GPD2: variants seen among roughly 807,000 people sequenced by gnomAD.
The protein encoded by GPD2 is glycerol-3-phosphate dehydrogenase 2, also known as glycerol-3-phosphate dehydrogenase, mitochondrial.
In GPD2, 54 loss-of-function variants were observed where a neutral mutation model predicts 82.4. That is an observed-to-expected ratio of 0.66 (90% CI 0.53 to 0.82). The LOEUF (loss-of-function observed/expected upper bound fraction) is 0.82. Among genes scored for constraint, GPD2 ranks in the 40% least tolerant of loss-of-function variants. The pLI is 0.00. For missense variants in GPD2, 748 were observed against 896.2 expected (o/e 0.83, Z 2.11); for synonymous variants, 288 against 306.1 (o/e 0.94, Z 0.62).
Position 156,568,957 on chromosome 2 carries a change from C to T in GPD2, c.1298C>T (p.Ala433Val), listed in dbSNP as rs1409779053. The change falls in exon 10 of 17, where the codon GCA (alanine) becomes GTA (valine). Residue 433 changes from alanine to valine, a missense_variant and splice_region_variant. By Grantham distance (64) the Ala-to-Val change is moderately conservative. Transcript: ENST00000438166. ...DISESGLITI[A>V]GGKWTTYRSM... ...AGTGAGAGTGGCCTTATTACTATAG[C>T]AGGTATGAGATACTACCTTGTTATT... 6.2e-7 allele frequency: 1 copy of T among 1,601,700 alleles called. No individual in the cohort carries two copies. Among genetic ancestry groups the T allele is most frequent in the Admixed American group, 1.7e-5 (1 of 59,742 alleles).
Position 156,496,850 on chromosome 2 carries a change from A to G in GPD2, c.274+635A>G, listed in dbSNP as rs771385652. On this transcript the variant is annotated intron_variant, in intron 3 of 16. Transcript: ENST00000438166. ...TTAAAATAATTATCTTTGTTCATGT[A>G]TCTCTTAAAATCATCTCTTCAGTGA... 4.7e-4 allele frequency among the ~76,000 whole-genome samples: 30 copies of G among 64,356 alleles called. No individual in the cohort carries two copies. In the Admixed American group the frequency reaches 7.1e-3, roughly 15 times the overall value. 42.2% of individuals were successfully genotyped at this position (64,356 alleles called of 152,430 possible). A position where few individuals can be genotyped will look rare whatever the true frequency, so the allele number is the denominator to read the frequency against.
rs142447636 is a variant in GPD2, at chr2:156,513,505, TG to T, written c.661+10del. 3.0e-3 allele frequency: 4,858 copies of T among 1,603,976 alleles called. 103 individuals are homozygous for T. The African/African-American group carries it at 0.056, about 19-fold the overall frequency. ...AATTGTCTACTATGACGGTATGTGATGTTTTTTTTTTTTTTCCTCACAAGAT... is the reference window on the plus strand; with the variant it reads ...AATTGTCTACTATGACGGTATGTGATTTTTTTTTTTTTTTCCTCACAAGAT... On this transcript the variant is annotated intron_variant, in intron 6 of 16. Coordinates refer to ENST00000438166, the MANE Select transcript of GPD2 (RefSeq NM_000408.5).
At chr2:156,401,033 T>A in the GPD2 span, among the ~76,000 whole-genome samples, 1 of 152,234 alleles carries the variant, frequency 6.6e-6, no homozygotes, top group Admixed American at 6.5e-5. Context: ...AAATAGGGAA[T>A]TGGCTTTCAT....
chr2:156,489,369 A>C (rs1292002547), intron 2 of GPD2, among the ~76,000 whole-genome samples: 1 of 152,168 alleles, frequency 6.6e-6, no homozygotes, highest in East Asian at 1.9e-4. Context: ...GTTTTAACAC[A>C]TGCTCTTCCC....
intron 9 of GPD2, among the ~76,000 whole-genome samples, chr2:156,562,809 C>T (rs903509643): frequency 1.3e-5 from 2 of 151,858 alleles, no homozygotes. Flanking sequence ...TATATTTTAC[C>T]CTTTACATAT....
the GPD2 span, among the ~76,000 whole-genome samples, chr2:156,406,880 T>C: frequency 6.6e-6 from 1 of 152,210 alleles, no homozygotes; most frequent in Non-Finnish European, 1.5e-5. Context: ...CCCACATGTA[T>C]GGTGCAAAAT....
chr2:156,542,058 A>AC (rs1426730285), intron 6 of GPD2, among the ~76,000 whole-genome samples: 1 of 151,798 alleles, frequency 6.6e-6, no homozygotes, highest in Admixed American at 6.6e-5. Flanking sequence ...TTCATTTAAA[A>AC]CTTTTTCAAG....
intron 9 of GPD2, among the ~76,000 whole-genome samples, chr2:156,561,048 T>TTC (rs1314200200): frequency 8.3e-6 from 1 of 120,586 alleles, no homozygotes; most frequent in Non-Finnish European, 1.7e-5. Context: ...AGCTTTTTTT[T>TTC]TTTTTTTTTT....
At chr2:156,541,465 G>A (rs191990646) in intron 6 of GPD2, among the ~76,000 whole-genome samples, 76 of 152,250 alleles carry the variant, frequency 5.0e-4, no homozygotes, top group Admixed American at 2.1e-3. Context: ...CCCCACAGTA[G>A]TACTTAGCTT....
At position 156,583,645 on chromosome 2, in the gene GPD2, A is replaced by G. The variant is rs530792268; in HGVS notation, c.*727A>G. On this transcript the variant is annotated 3_prime_UTR_variant, in exon 17 of 17. Transcript: ENST00000438166. ...TGCTGGGAGTTACAGTGATAGTTTC[A>G]TCTCAGCAGTTCATTTTTTTCTTCA... 3 of 152,744 alleles carry G rather than the reference A, an allele frequency of 2.0e-5. No homozygotes were observed. Among genetic ancestry groups the G allele is most frequent in the Admixed American group, 6.5e-5 (1 of 15,268 alleles). 9.5% of individuals were successfully genotyped at this position (152,744 alleles called of 1,614,324 possible). A position where few individuals can be genotyped will look rare whatever the true frequency, so the allele number is the denominator to read the frequency against.
chr2:156,452,547 G>A (rs1682649318), intron 1 of GPD2, among the ~76,000 whole-genome samples: 1 of 152,154 alleles, frequency 6.6e-6, no homozygotes, highest in East Asian at 1.9e-4. Flanking sequence ...GAGAGGGAGA[G>A]GGAGACCGTG....
At position 156,499,203 on chromosome 2, in the gene GPD2, T is replaced by C. The variant is rs1255041264; in HGVS notation, c.274+2988T>C. On this transcript the variant is annotated intron_variant, in intron 3 of 16. Transcript: ENST00000438166. ...CATTGCAGAGAATGTGACAGGAAAA[T>C]AGGGGTTTCTTTGCTGTTAGAAAAT... Among the ~76,000 whole-genome samples the C allele has an allele frequency of 2.0e-5, 3 of 151,926 alleles. No individual in the cohort carries two copies. The East Asian group carries it at 5.8e-4, about 29-fold the overall frequency.
chr2:156,500,983 C>G (rs1008521183), intron 3 of GPD2, among the ~76,000 whole-genome samples: 2 of 152,178 alleles, frequency 1.3e-5, no homozygotes, highest in African/African-American at 4.8e-5. Flanking sequence ...GTTGTGGGCA[C>G]TTTGCTCCCA....
chr2:156,569,655 C>A, intron 11 of GPD2, 117 bp downstream of exon 11: 3 of 821,288 alleles, frequency 3.7e-6, no homozygotes, highest in Non-Finnish European at 6.4e-6. Context: ...GAATACATTT[C>A]TGCCAGTCTG....
chr2:156,404,197 G>C, the GPD2 span, among the ~76,000 whole-genome samples: 2 of 151,798 alleles, frequency 1.3e-5, no homozygotes, highest in African/African-American at 4.8e-5. Flanking sequence ...GTGAGACCTT[G>C]TCTCTACAAA....
At chr2:156,568,990 C>CTTTTTTTTTTTTTTTTTTTT in intron 10 of GPD2, 31 bp downstream of exon 10, 2 of 1,253,298 alleles carry the variant, frequency 1.6e-6, no homozygotes, top group South Asian at 1.3e-5. Flanking sequence ...ATTTTCTTTT[C>CTTTTTTTTTTTTTTTTTTTT]TTTTTTTTTT....
At chr2:156,492,783 A>G (rs1684230901) in intron 2 of GPD2, among the ~76,000 whole-genome samples, 1 of 152,202 alleles carries the variant, frequency 6.6e-6, no homozygotes. Context: ...GAGCAGATAT[A>G]GGACTTAAGA....
intron 9 of GPD2, among the ~76,000 whole-genome samples, chr2:156,561,040 C>CTTTTTTTTTTTTCT (rs1687150221): frequency 3.6e-5 from 1 of 27,626 alleles, no homozygotes; most frequent in Non-Finnish European, 6.0e-5. Flanking sequence ...TGACATTAAG[C>CTTTTTTTTTTTTCT]TTTTTTTTTT....
Position 156,549,787 on chromosome 2 carries a change from TGGGA to T in GPD2, c.826+22_826+25del. 2 of 1,589,640 alleles carry T rather than the reference TGGGA, an allele frequency of 1.3e-6. No homozygotes were observed. The highest frequency in any genetic ancestry group is 1.7e-6 in the Non-Finnish European group (2 of 1,158,312). On this transcript the variant is annotated intron_variant, in intron 7 of 16. Transcript: ENST00000438166. Reference sequence around the variant, plus strand: ...TGTCCTCACAGGTATGCCAGGTATCTGGGAGGGAGGTATTTCTTAGTATCTTGCC... The same window carrying T: ...TGTCCTCACAGGTATGCCAGGTATCTGGGAGGTATTTCTTAGTATCTTGCC...
Sources: gnomAD v4.1 joint callset for allele counts (sites outside exome capture counted in the v4.1 genomes callset) on GRCh38, gnomAD v4.1.1 for gene constraint, MANE v1.5 for transcripts, NCBI Gene and HGNC (gene_info 2026-07-23, HGNC 2026-07-21) for gene names.